TRAPPC8: variants seen among roughly 807,000 people sequenced by gnomAD.
TRAPPC8 encodes general sporulation gene 1 homolog.
In TRAPPC8, 54 loss-of-function variants were observed where a neutral mutation model predicts 174.3. The ratio of observed to expected loss-of-function variants is 0.31; its 90% confidence interval spans 0.25 to 0.39. The LOEUF is 0.39. TRAPPC8 is among the 10% of genes least tolerant of loss of function. The pLI, the probability that TRAPPC8 is intolerant of heterozygous loss-of-function variation, is 1.00. For synonymous variants in TRAPPC8, 630 were observed against 579.9 expected (o/e 1.09, Z -1.24); for missense variants, 1,531 against 1,699.1 (o/e 0.90, Z 1.74).
chr18:31,939,936 C>G (rs921756803), intron 1 of TRAPPC8, among the ~76,000 whole-genome samples: 8 of 152,142 alleles, frequency 5.3e-5, no homozygotes, highest in Non-Finnish European at 1.0e-4. Flanking sequence ...TGAAGGAAAT[C>G]AGAAGTGTAC....
At chr18:31,885,581 G>A (rs894883720) in intron 12 of TRAPPC8, among the ~76,000 whole-genome samples, 4 of 151,942 alleles carry the variant, frequency 2.6e-5, no homozygotes, top group Admixed American at 6.6e-5. Flanking sequence ...AATATGGGCC[G>A]GGCACGGTGG....
At chr18:31,906,173 AC>A (rs2036647795) in intron 9 of TRAPPC8, among the ~76,000 whole-genome samples, 1 of 136,334 alleles carries the variant, frequency 7.3e-6, no homozygotes, top group Non-Finnish European at 1.6e-5. Flanking sequence ...TACTAAAAAT[AC>A]GAAAAAAAAA....
intron 4 of TRAPPC8, among the ~76,000 whole-genome samples, chr18:31,914,207 AAATACT>A (rs2037040366): frequency 2.0e-5 from 3 of 151,988 alleles, no homozygotes; most frequent in African/African-American, 7.2e-5. Context: ...ATTCAAATGT[AAATACT>A]AATACTATGT....
intron 2 of TRAPPC8, among the ~76,000 whole-genome samples, chr18:31,928,300 A>C (rs1382824027): frequency 6.6e-6 from 1 of 151,754 alleles, no homozygotes; most frequent in Non-Finnish European, 1.5e-5. Context: ...GAAGTTCAAC[A>C]CCAGCCTGCT....
intron 23 of TRAPPC8, 40 bp from the exon 24 acceptor site, chr18:31,852,544 A>G: frequency 6.2e-7 from 1 of 1,613,824 alleles, no homozygotes; most frequent in Non-Finnish European, 8.5e-7. Flanking sequence ...TATCATTGGC[A>G]TAAAATATAA....
intron 1 of TRAPPC8, among the ~76,000 whole-genome samples, chr18:31,936,033 G>A (rs1568158796): frequency 1.3e-5 from 2 of 151,654 alleles, no homozygotes; most frequent in African/African-American, 2.4e-5. Flanking sequence ...CACCACACCT[G>A]GCACAAGACC....
chr18:31,898,286 A>T (rs1388208095), intron 10 of TRAPPC8, among the ~76,000 whole-genome samples: 1 of 152,140 alleles, frequency 6.6e-6, no homozygotes, highest in East Asian at 1.9e-4. Flanking sequence ...CAGAACCTGC[A>T]GATACATAGG....
chr18:31,857,977 G>A lies in TRAPPC8; in HGVS notation c.2751C>T (p.Phe917=). 2 of 1,598,054 alleles carry A rather than the reference G, an allele frequency of 1.3e-6. No individual in the cohort carries two copies. Among genetic ancestry groups the A allele is most frequent in the Non-Finnish European group, 1.7e-6 (2 of 1,172,646 alleles). Reference sequence around the variant, plus strand: ...GAAGCCCTGTAGGAAAATGTATAAAGAACACCTGCATTGGAGGGAAAAAAT... The same window carrying A: ...GAAGCCCTGTAGGAAAATGTATAAAAAACACCTGCATTGGAGGGAAAAAAT... The part of the protein sequence containing the change: ...ITEEMPLLEV[F]FIHFPTGLLC... Residue 917 remains phenylalanine, a synonymous_variant, in exon 20 of 29, where the codon TTC becomes TTT. Coordinates refer to ENST00000283351, the MANE Select transcript of TRAPPC8 (RefSeq NM_014939.5).
intron 25 of TRAPPC8, among the ~76,000 whole-genome samples, 191 bp downstream of exon 25, chr18:31,849,375 A>G (rs1356132478): frequency 3.3e-5 from 5 of 152,162 alleles, no homozygotes; most frequent in African/African-American, 1.2e-4. Context: ...TAACAGTAAC[A>G]CAGAAGAATG....
At chr18:31,936,439 A>G (rs2144305661) in intron 1 of TRAPPC8, among the ~76,000 whole-genome samples, 1 of 152,122 alleles carries the variant, frequency 6.6e-6, no homozygotes, top group East Asian at 1.9e-4. Context: ...TATCCAGCCT[A>G]GGTGACAAAG....
In TRAPPC8 at chr18:31,852,358, G is replaced by A. The variant is rs2033754755; in HGVS notation, c.3561+88C>T. 5 of 1,483,930 alleles carry A rather than the reference G, an allele frequency of 3.4e-6. No individual in the cohort carries two copies. The Admixed American group carries it at 5.6e-5, about 17-fold the overall frequency. The allele number at this position is 1,483,930 out of a possible 1,614,324, so 91.9% of individuals were successfully genotyped here. ...TCTCCCCCCCAAAAAAAAGCGTTTG[G>A]GAATTACTGCGATAAGCCTTGCCAA... On this transcript the variant is annotated intron_variant, in intron 24 of 28. Transcript: ENST00000283351.
chr18:31,853,235 T>G (rs2033806210), intron 22 of TRAPPC8, among the ~76,000 whole-genome samples: 1 of 152,134 alleles, frequency 6.6e-6, no homozygotes, highest in South Asian at 2.1e-4. Flanking sequence ...AATTCCATAT[T>G]CTAGTCTATA....
chr18:31,896,833 A>G (rs1296193135), intron 11 of TRAPPC8, among the ~76,000 whole-genome samples: 3 of 152,186 alleles, frequency 2.0e-5, no homozygotes, highest in Admixed American at 6.5e-5. Flanking sequence ...TATGTTGGCC[A>G]GGCTGGTCTC....
At chr18:31,852,565 T>C (rs773510573) in intron 23 of TRAPPC8, 30 bp downstream of exon 23, 3 of 1,613,902 alleles carry the variant, frequency 1.9e-6, no homozygotes, top group Non-Finnish European at 2.5e-6. Context: ...AATGACCATT[T>C]AGTAAAGTGT....
chr18:31,863,477 T>C (rs1213382882), intron 19 of TRAPPC8, among the ~76,000 whole-genome samples: 1 of 152,138 alleles, frequency 6.6e-6, no homozygotes, highest in Admixed American at 6.6e-5. Context: ...TGAAAATATA[T>C]TACAGTATAT....
rs575823859 is a variant in TRAPPC8, at chr18:31,890,927, T to C, written c.1597-61A>G. On this transcript the variant is annotated intron_variant, in intron 11 of 28. Coordinates refer to ENST00000283351, the MANE Select transcript of TRAPPC8 (RefSeq NM_014939.5). ...ACCAAGTTAAAAGTAAATAGATAAC[T>C]AGTGAAAAAAACATTTAATTTCTTA... 22 of 1,491,762 alleles carry C rather than the reference T, an allele frequency of 1.5e-5. 1 individual carries two copies. The highest frequency in any genetic ancestry group is 3.6e-4 in the Middle Eastern group (2 of 5,552). The allele number at this position is 1,491,762 out of a possible 1,614,324, so 92.4% of individuals were successfully genotyped here.
intron 11 of TRAPPC8, among the ~76,000 whole-genome samples, chr18:31,897,253 TCAA>T (rs1241848912): frequency 2.0e-5 from 3 of 152,212 alleles, no homozygotes; most frequent in Non-Finnish European, 2.9e-5. Flanking sequence ...TGTAAAATCT[TCAA>T]CAACTATAAA....
At chr18:31,909,113 C>A in intron 6 of TRAPPC8, 103 bp from the exon 7 acceptor site, 1 of 1,153,328 alleles carries the variant, frequency 8.7e-7, no homozygotes, top group African/African-American at 1.6e-5. Flanking sequence ...ATGTTAAAAT[C>A]CTTTATCTTT....
intron 14 of TRAPPC8, among the ~76,000 whole-genome samples, chr18:31,871,524 C>A (rs1287764810): frequency 6.6e-6 from 1 of 151,902 alleles, no homozygotes; most frequent in Non-Finnish European, 1.5e-5. Context: ...CTCTGCACCA[C>A]CCCCAATCTT....
Sources: allele counts gnomAD v4.1 joint callset (sites outside exome capture counted in the v4.1 genomes callset), GRCh38; gene constraint gnomAD v4.1.1; transcripts MANE v1.5; gene names NCBI Gene and HGNC (gene_info 2026-07-23, HGNC 2026-07-21).